Variants in MAGI2 observed in about 807,000 individuals in gnomAD.
MAGI2 encodes the protein membrane-associated guanylate kinase, WW and PDZ domain-containing protein 2.
Under a neutral mutation model 133.3 loss-of-function variants are expected in MAGI2, and 35 were observed. That is an observed-to-expected ratio of 0.26 (90% CI 0.20 to 0.35). The LOEUF is 0.35. Among genes scored for constraint, MAGI2 ranks in the 10% least tolerant of loss-of-function variants. The pLI, the probability that MAGI2 is intolerant of heterozygous loss-of-function variation, is 1.00. For synonymous variants in MAGI2, 729 were observed against 710.6 expected (o/e 1.03, Z -0.41); for missense variants, 1,636 against 1,863.4 (o/e 0.88, Z 2.25).
chr7:78,461,824 T>C (rs550750327), intron 6 of MAGI2, among the ~76,000 whole-genome samples: 1 of 143,018 alleles, frequency 7.0e-6, no homozygotes, highest in East Asian at 2.1e-4. Flanking sequence ...GGCAGGAGAA[T>C]TGCTTGAACC....
At chr7:78,475,083 C>T (rs1466507229) in intron 6 of MAGI2, among the ~76,000 whole-genome samples, 1 of 151,908 alleles carries the variant, frequency 6.6e-6, no homozygotes, top group Admixed American at 6.6e-5. Flanking sequence ...TATCAACATA[C>T]CAAGTTGGCG....
chr7:78,892,079 C>T (rs1402435857), intron 2 of MAGI2, among the ~76,000 whole-genome samples: 2 of 152,144 alleles, frequency 1.3e-5, no homozygotes, highest in Non-Finnish European at 2.9e-5. Flanking sequence ...TTCTTATACA[C>T]CAATAGCAGA....
rs567693476 is a variant in MAGI2, at chr7:78,719,166, A to G, written c.419-91927T>C. ...TTCCCTATACCTTCTATGTGAACCA[A>G]TTAATAGGATGTTAAAGAAAAAGGT... is the stretch of plus-strand genomic sequence containing the variant. On this transcript the variant is annotated intron_variant, in intron 2 of 21. Coordinates refer to ENST00000354212, the MANE Select transcript of MAGI2 (RefSeq NM_012301.4). 2.2e-4 allele frequency among the ~76,000 whole-genome samples: 33 copies of G among 152,286 alleles called. No individual in the cohort carries two copies. In the South Asian group the frequency reaches 6.7e-3, roughly 31 times the overall value.
Position 78,521,499 on chromosome 7 carries a change from T to C in MAGI2, c.685A>G (p.Ile229Val), listed in dbSNP as rs1200876428. Residue 229 changes from isoleucine to valine, a missense_variant, in exon 4 of 22, where the codon ATA (isoleucine) becomes GTA (valine). Ile to Val is a conservative substitution (Grantham distance 29). Around this residue, in one of 5 missense-constraint regions of MAGI2, gnomAD observed 165 missense variants for 128.4 expected, o/e 1.28. Coordinates refer to ENST00000354212, the MANE Select transcript of MAGI2 (RefSeq NM_012301.4). ...TCCTCTTCCTCCTCAGGAGGCTCTA[T>C]ACTGGCTTTCTCCATGTTGCTCACT... ...KSVSNMEKAS[I>V]EPPEEEEEER... 5 of 1,614,070 alleles carry C rather than the reference T, an allele frequency of 3.1e-6. No individual in the cohort carries two copies. The highest frequency in any genetic ancestry group is 3.3e-4 in the Middle Eastern group (2 of 6,084).
chr7:78,380,296 C>T (rs1427467623), intron 6 of MAGI2, among the ~76,000 whole-genome samples: 1 of 151,522 alleles, frequency 6.6e-6, no homozygotes, highest in Non-Finnish European at 1.5e-5. Flanking sequence ...GCAAGAAGTA[C>T]CAAGAAGGAA....
intron 2 of MAGI2, among the ~76,000 whole-genome samples, chr7:78,694,204 T>C (rs1817262163): frequency 6.6e-6 from 1 of 152,164 alleles, no homozygotes; most frequent in Non-Finnish European, 1.5e-5. Flanking sequence ...TTTTTCTTCC[T>C]GTCCCCATAG....
chr7:78,194,448 C>G (rs932027001), intron 12 of MAGI2, among the ~76,000 whole-genome samples: 2 of 151,978 alleles, frequency 1.3e-5, no homozygotes, highest in African/African-American at 4.8e-5. Context: ...GAAGGCTTGG[C>G]TGACAATTTA....
chr7:78,900,440 T>C (rs1000668201), intron 2 of MAGI2, among the ~76,000 whole-genome samples: 1 of 152,136 alleles, frequency 6.6e-6, no homozygotes, highest in Admixed American at 6.5e-5. Flanking sequence ...CCACTCCAGC[T>C]TCTCTGACCC....
chr7:78,856,664 A>G (rs141519018), intron 2 of MAGI2, among the ~76,000 whole-genome samples: 1,551 of 152,234 alleles, frequency 0.01, 23 homozygotes, highest in African/African-American at 0.033. Flanking sequence ...GCCTTGTAGT[A>G]TAGTTTGAAT....
At chr7:79,362,136 T>TTA (rs1554458478) in intron 1 of MAGI2, among the ~76,000 whole-genome samples, 4 of 151,560 alleles carry the variant, frequency 2.6e-5, no homozygotes, top group African/African-American at 7.3e-5. Flanking sequence ...AGCTTTTTTT[T>TTA]AAAAAAACAA....
chr7:78,898,222 T>C (rs1302725921), intron 2 of MAGI2, among the ~76,000 whole-genome samples: 1 of 152,026 alleles, frequency 6.6e-6, no homozygotes, highest in African/African-American at 2.4e-5. Context: ...GGAACTCTTA[T>C]ATACACTGTT....
At chr7:78,062,024 G>A (rs150211706) in intron 21 of MAGI2, among the ~76,000 whole-genome samples, 8 of 152,284 alleles carry the variant, frequency 5.3e-5, no homozygotes, top group Non-Finnish European at 1.0e-4. Context: ...ACATCAGCCG[G>A]GAAAGGAACC....
chr7:79,137,488 C>T (rs906970428), intron 1 of MAGI2, among the ~76,000 whole-genome samples: 8 of 139,508 alleles, frequency 5.7e-5, no homozygotes, highest in East Asian at 2.2e-4. Context: ...CATTCTGTCG[C>T]CTAGTTTGTA....
chr7:78,689,394 GA>G (rs1249281051), intron 2 of MAGI2, among the ~76,000 whole-genome samples: 2 of 151,900 alleles, frequency 1.3e-5, no homozygotes, highest in Non-Finnish European at 2.9e-5. Flanking sequence ...GATATTATCA[GA>G]AAAAAACCAT....
chr7:78,796,579 G>T (rs118030158), intron 2 of MAGI2, among the ~76,000 whole-genome samples: 19 of 152,184 alleles, frequency 1.2e-4, no homozygotes, highest in African/African-American at 2.9e-4. Flanking sequence ...CGGTATGGAG[G>T]TTCCTCAAAA....
chr7:78,593,940 A>G (rs1304219437), intron 3 of MAGI2, among the ~76,000 whole-genome samples: 2 of 152,204 alleles, frequency 1.3e-5, no homozygotes, highest in East Asian at 1.9e-4. Context: ...TGCTCTTGTT[A>G]AAGATACATA....
intron 2 of MAGI2, among the ~76,000 whole-genome samples, chr7:78,870,622 C>T (rs368155795): frequency 6.6e-6 from 1 of 152,066 alleles, no homozygotes; most frequent in East Asian, 1.9e-4. Context: ...AGTACAACCA[C>T]TATGGAAAAC....
At chr7:78,920,206 A>G (rs1799122710) in intron 2 of MAGI2, among the ~76,000 whole-genome samples, 1 of 152,120 alleles carries the variant, frequency 6.6e-6, no homozygotes, top group Admixed American at 6.6e-5. Flanking sequence ...TGGGTTCAAA[A>G]TGATTGGATG....
chr7:78,979,189 G>A lies in MAGI2; in HGVS notation c.418+27901C>T, dbSNP rs145945457. 3.5e-3 allele frequency among the ~76,000 whole-genome samples: 539 copies of A among 151,878 alleles called. 1 individual carries two copies. Among genetic ancestry groups the A allele is most frequent in the Non-Finnish European group, 6.4e-3 (433 of 67,840 alleles). On this transcript the variant is annotated intron_variant, in intron 2 of 21. Coordinates refer to ENST00000354212, the MANE Select transcript of MAGI2 (RefSeq NM_012301.4). ...CAGGCTTAGAGGAAATGACACCCCA[G>A]TAGTAATGAGCATACCAAGTGCCCA...
Sources: allele counts gnomAD v4.1 joint callset (sites outside exome capture counted in the v4.1 genomes callset), GRCh38; gene constraint gnomAD v4.1.1; regional missense constraint gnomAD v4.1.1; transcripts MANE v1.5; gene names NCBI Gene and HGNC (gene_info 2026-07-23, HGNC 2026-07-21).